UBE2G2: variants seen among roughly 807,000 people sequenced by gnomAD.
The protein encoded by UBE2G2 is ubiquitin-conjugating enzyme E2 G2.
UBE2G2 carries 10 observed loss-of-function variants against 23.0 expected under a neutral mutation model. The ratio of observed to expected loss-of-function variants is 0.43; its 90% CI spans 0.27 to 0.74. UBE2G2 has a LOEUF of 0.74. Ranked by LOEUF, UBE2G2 falls within the 30% of genes least tolerant of loss-of-function variation. The pLI, the probability that UBE2G2 is intolerant of heterozygous loss-of-function variation, is 0.19. For missense variants in UBE2G2, 150 were observed against 218.3 expected, an observed-to-expected ratio of 0.69 and a Z score of 1.97; for synonymous variants, 86 against 81.3, an observed-to-expected ratio of 1.06 and a Z score of -0.31.
intron 3 of UBE2G2, among the ~76,000 whole-genome samples, chr21:44,782,674 T>C (rs1163442582): frequency 6.6e-6 from 1 of 152,192 alleles, no homozygotes; most frequent in Non-Finnish European, 1.5e-5. Context: ...GGTGCCAAAA[T>C]TATGCAATGG....
At chr21:44,773,075 C>T (rs2082886348) in intron 5 of UBE2G2, among the ~76,000 whole-genome samples, 1 of 152,182 alleles carries the variant, frequency 6.6e-6, no homozygotes, top group Non-Finnish European at 1.5e-5. Flanking sequence ...CTCATCAACA[C>T]CTACATGTCC....
intron 1 of UBE2G2, among the ~76,000 whole-genome samples, chr21:44,792,774 C>A (rs2083055746): frequency 6.6e-6 from 1 of 152,192 alleles, no homozygotes. Context: ...TGCTGAGAAG[C>A]CCTGATCCAG....
chr21:44,781,210 C>G (rs1555961290), intron 3 of UBE2G2, among the ~76,000 whole-genome samples: 1 of 152,198 alleles, frequency 6.6e-6, no homozygotes, highest in African/African-American at 2.4e-5. Flanking sequence ...CTGGAGCCAG[C>G]TGAGCTGGAG....
intron 1 of UBE2G2, among the ~76,000 whole-genome samples, chr21:44,795,039 A>C (rs1382047264): frequency 2.0e-5 from 3 of 151,790 alleles, no homozygotes; most frequent in African/African-American, 7.2e-5. Flanking sequence ...GAGGCGAGGC[A>C]AACTCCTGAG....
rs1569290733 is a variant in UBE2G2, at chr21:44,770,046, C to T, written c.*1331G>A. The stretch of plus-strand genomic sequence containing the variant: ...CACATCAAAATCCTAAGTCACAAAA[C>T]AAGGGCTCTGTCCCCAGCCTGGGCC... On this transcript the variant is annotated 3_prime_UTR_variant, in exon 6 of 6. Coordinates refer to ENST00000345496, the MANE Select transcript of UBE2G2 (RefSeq NM_003343.6). 1 of 152,230 alleles carries T rather than the reference C, an allele frequency of 6.6e-6. No individual in the cohort carries two copies. The highest frequency in any genetic ancestry group is 1.5e-5 in the Non-Finnish European group (1 of 68,076). 9.4% of individuals were successfully genotyped at this position (152,230 alleles called of 1,614,324 possible). A position where few individuals can be genotyped will look rare whatever the true frequency, so the allele number is the denominator to read the frequency against.
At chr21:44,781,908 A>C (rs191066936) in intron 3 of UBE2G2, among the ~76,000 whole-genome samples, 76 of 152,332 alleles carry the variant, frequency 5.0e-4, no homozygotes, top group Non-Finnish European at 8.7e-4. Context: ...AGGCATCTAC[A>C]GCCATACCCT....
In UBE2G2 at chr21:44,771,203, T is replaced by C. The variant is rs1477579391; in HGVS notation, c.*174A>G. 5.0e-6 allele frequency: 3 copies of C among 605,400 alleles called. No homozygotes were observed. Among genetic ancestry groups the C allele is most frequent in the Non-Finnish European group, 5.8e-6 (2 of 346,394 alleles). The allele number at this position is 605,400 out of a possible 1,614,324, so 37.5% of individuals were successfully genotyped here. The stretch of plus-strand genomic sequence containing the variant: ...GTCAATATTCGACATTAAGTCATCA[T>C]TTCAGAAGAGAAGCCTGTTTGAAGT... On this transcript the variant is annotated 3_prime_UTR_variant, in exon 6 of 6. Coordinates refer to ENST00000345496, the MANE Select transcript of UBE2G2 (RefSeq NM_003343.6). This position sits in a 1 kb window ranked among gnomAD's most constrained non-coding sequence, Gnocchi z 4.6.
Position 44,772,180 on chromosome 21 carries a change from G to C in UBE2G2, c.386-691C>G, listed in dbSNP as rs117691697. Among the ~76,000 whole-genome samples, 2 of 152,140 alleles carry C rather than the reference G, an allele frequency of 1.3e-5. No individual in the cohort carries two copies. The highest frequency in any genetic ancestry group is 2.9e-5 in the Non-Finnish European group (2 of 68,018). The stretch of plus-strand genomic sequence containing the variant: ...GCTGCTCAGAATGCACGTGGGGACC[G>C]GTTCAGAGCAGAGTTGATGAGGATA... On this transcript the variant is annotated intron_variant, in intron 5 of 5. Transcript: ENST00000345496. This position sits in a 1 kb window ranked among gnomAD's most constrained non-coding sequence, Gnocchi z 5.4.
rs113823719 is a variant in UBE2G2 at position 44,779,435 on chromosome 21, G to A, written c.126-2018C>T. Among the ~76,000 whole-genome samples, 280 of 151,790 alleles carry A rather than the reference G, an allele frequency of 1.8e-3. 1 individual carries two copies. The highest frequency in any genetic ancestry group is 5.7e-3 in the African/African-American group (236 of 41,352). On this transcript the variant is annotated intron_variant, in intron 3 of 5. Coordinates refer to ENST00000345496, the MANE Select transcript of UBE2G2 (RefSeq NM_003343.6). ...CATGACCAGCACAGGGAACGCCACC[G>A]AGGGAGGCACGAGCATGAGCTCTTG... is the stretch of plus-strand genomic sequence containing the variant.
chr21:44,781,540 G>A (rs2082956376), intron 3 of UBE2G2, among the ~76,000 whole-genome samples: 1 of 152,218 alleles, frequency 6.6e-6, no homozygotes, highest in Non-Finnish European at 1.5e-5. Flanking sequence ...GCCAGGCAGT[G>A]AGGAGTTAAA....
chr21:44,801,804 C>A lies in UBE2G2; in HGVS notation c.-56G>T, dbSNP rs1555964950. 1 of 1,493,364 alleles carries A rather than the reference C, an allele frequency of 6.7e-7. No homozygotes were observed. The highest frequency in any genetic ancestry group is 8.9e-7 in the Non-Finnish European group (1 of 1,126,206). The allele number at this position is 1,493,364 out of a possible 1,614,324, so 92.5% of individuals were successfully genotyped here. ...GCCTCAGCCGCGCGCGTGCCTCCTG[C>A]CCCGACACCGGGGACTGCTTCCGGG... On this transcript the variant is annotated 5_prime_UTR_variant, in exon 1 of 6. Transcript: ENST00000345496.
chr21:44,773,537 CG>C lies in UBE2G2; in HGVS notation c.385+9del. ...CCACGGCAGCTCCTGCCAGGAGGCT[CG>C]GGCCTTACCTGCCAGCATGCTCACC... On this transcript the variant is annotated intron_variant, in intron 5 of 5. Transcript: ENST00000345496. The C allele has an allele frequency of 6.2e-7, 1 of 1,605,526 alleles. No homozygotes were observed. Among genetic ancestry groups the C allele is most frequent in the Non-Finnish European group, 8.5e-7 (1 of 1,179,218 alleles).
chr21:44,785,096 C>A (rs2838685), intron 3 of UBE2G2, among the ~76,000 whole-genome samples: 15,851 of 152,224 alleles, frequency 0.1, 855 homozygotes, highest in African/African-American at 0.12. Flanking sequence ...CTGGGCAAGA[C>A]CTGTAACCAT....
intron 1 of UBE2G2, among the ~76,000 whole-genome samples, chr21:44,798,109 T>C (rs1800546437): frequency 6.6e-6 from 1 of 152,204 alleles, no homozygotes; most frequent in African/African-American, 2.4e-5. Flanking sequence ...TGAGCTGTGG[T>C]TGTGCCACTG....
chr21:44,785,446 T>C (rs1555961854), intron 3 of UBE2G2, among the ~76,000 whole-genome samples: 2 of 152,234 alleles, frequency 1.3e-5, no homozygotes. Flanking sequence ...GACATGTCTG[T>C]ATCTTCAGAC....
At chr21:44,797,194 C>T (rs1015894642) in intron 1 of UBE2G2, among the ~76,000 whole-genome samples, 2 of 152,202 alleles carry the variant, frequency 1.3e-5, no homozygotes, top group African/African-American at 2.4e-5. Context: ...AACACACTTC[C>T]GTGACAAACC....
intron 3 of UBE2G2, among the ~76,000 whole-genome samples, chr21:44,780,248 G>A (rs1194576355): frequency 9.2e-5 from 14 of 152,184 alleles, no homozygotes; most frequent in South Asian, 2.1e-4. Context: ...AACGCCTGGC[G>A]CCCAGACAGG....
chr21:44,771,425 C>A lies in UBE2G2; in HGVS notation c.450G>T (p.Gln150His). The A allele has an allele frequency of 6.2e-7, 1 of 1,613,266 alleles. No homozygotes were observed. The highest frequency in any genetic ancestry group is 1.1e-5 in the South Asian group (1 of 91,084). Reference protein sequence around the residue: ...ASKMWRDDREQFYKIAKQIVQ... With the variant: ...ASKMWRDDREHFYKIAKQIVQ... Reference sequence around the variant, plus strand: ...CGATCTGCTTGGCAATCTTATAGAACTGCTCCCGGTCATCGCGCCACATTT... The same window carrying A: ...CGATCTGCTTGGCAATCTTATAGAAATGCTCCCGGTCATCGCGCCACATTT... Residue 150 changes from glutamine (Q) to histidine (H), a missense_variant, in exon 6 of 6, where the codon CAG becomes CAT. Coordinates refer to ENST00000345496, the MANE Select transcript of UBE2G2 (RefSeq NM_003343.6). The surrounding 1 kb of genome is among the most constrained non-coding windows in gnomAD (Gnocchi z 4.6).
rs782123553 is a variant in UBE2G2 at position 44,788,054 on chromosome 21, C to A, written c.79+6G>T. The A allele has an allele frequency of 2.5e-6, 4 of 1,611,794 alleles. No homozygotes were observed. The highest frequency in any genetic ancestry group is 1.7e-6 in the Non-Finnish European group (2 of 1,179,092). ...AATTATAAGGAAGTTAACTTTGGTA[C>A]CTTACCTGCTACAATTCCTTCCGGA... On this transcript the variant is annotated splice_donor_region_variant and intron_variant, in intron 2 of 5. Coordinates refer to ENST00000345496, the MANE Select transcript of UBE2G2 (RefSeq NM_003343.6).
Sources: allele counts gnomAD v4.1 joint callset (sites outside exome capture counted in the v4.1 genomes callset), GRCh38; gene constraint gnomAD v4.1.1; non-coding constraint Gnocchi (gnomAD v3.1); transcripts MANE v1.5; gene names NCBI Gene and HGNC (gene_info 2026-07-23, HGNC 2026-07-21).